HYDIN: variants seen among roughly 807,000 people sequenced by gnomAD.
HYDIN encodes the protein HYDIN axonemal central pair apparatus protein, also known as axonemal central pair apparatus protein HYDIN.
A neutral mutation model predicts 403.9 loss-of-function variants in HYDIN; 132 were observed. The observed-to-expected ratio is 0.33, with a 90% CI of 0.28 to 0.38. The LOEUF (loss-of-function observed/expected upper bound fraction) is 0.38, where lower values mean the gene tolerates loss of function less well. Ranked by LOEUF, HYDIN falls within the 10% of genes least tolerant of loss-of-function variation. The pLI is 1.00. For missense variants in HYDIN, 2,827 were observed against 5,009.5 expected (o/e 0.56, Z 13.15); for synonymous variants, 1,202 against 1,891.7 (o/e 0.64, Z 9.46).
rs565019851 is a variant in HYDIN, at chr16:71,145,658, T to C, written c.841+7001A>G. On this transcript the variant is annotated intron_variant, in intron 7 of 85. Transcript: ENST00000393567. ...TCCAAATGCTTACATAAAAGTAAAA[T>C]TGATATCCAGGGAGGCTGGCAAAAT... 7.0e-4 allele frequency among the ~76,000 whole-genome samples: 107 copies of C among 152,248 alleles called. 1 individual carries two copies. Among genetic ancestry groups the C allele is most frequent in the South Asian group, 2.7e-3 (13 of 4,820 alleles).
intron 1 of HYDIN, among the ~76,000 whole-genome samples, chr16:71,219,093 G>A (rs1177783280): frequency 3.3e-5 from 5 of 152,120 alleles, no homozygotes; most frequent in Non-Finnish European, 7.4e-5. Context: ...CAAAGCCACT[G>A]CTGCAAATTT....
In HYDIN at chr16:70,883,033, G is replaced by A. The variant is rs543551731; in HGVS notation, c.9980-138C>T. 2.4e-5 allele frequency: 16 copies of A among 666,600 alleles called. No homozygotes were observed. The East Asian group carries it at 3.6e-4, about 15-fold the overall frequency. The allele number at this position is 666,600 out of a possible 1,614,324, so 41.3% of individuals were successfully genotyped here. ...GGCGAAGTCATGCAAGGGGGTGTGAGGGATGGGAAACATTCTGTCTTGTCT... is the reference window on the plus strand; with the variant it reads ...GGCGAAGTCATGCAAGGGGGTGTGAAGGATGGGAAACATTCTGTCTTGTCT... On this transcript the variant is annotated intron_variant, in intron 59 of 85. Transcript: ENST00000393567.
At chr16:71,004,186 T>C (rs1357830550) in intron 23 of HYDIN, among the ~76,000 whole-genome samples, 1 of 151,578 alleles carries the variant, frequency 6.6e-6, no homozygotes, top group African/African-American at 2.4e-5. Context: ...CGGTGGCGCA[T>C]GCCTGTAATC....
chr16:70,810,827 G>A (rs942057748), intron 84 of HYDIN, among the ~76,000 whole-genome samples: 6 of 150,474 alleles, frequency 4.0e-5, no homozygotes, highest in Non-Finnish European at 5.9e-5. Flanking sequence ...GTGAGACTCC[G>A]TCTCAAAAAA....
chr16:71,194,720 C>A (rs995702281), intron 1 of HYDIN, among the ~76,000 whole-genome samples: 1 of 152,172 alleles, frequency 6.6e-6, no homozygotes, highest in Admixed American at 6.5e-5. Flanking sequence ...AGTTTGGCTA[C>A]GTGATTCTGG....
chr16:70,993,518 ATTCTGT>A (rs2079427016), intron 23 of HYDIN, among the ~76,000 whole-genome samples: 1 of 152,028 alleles, frequency 6.6e-6, no homozygotes, highest in Non-Finnish European at 1.5e-5. Flanking sequence ...TGGAGCAATG[ATTCTGT>A]TCTTTCTTTG....
At chr16:70,821,732 GT>G (rs571776690) in intron 83 of HYDIN, among the ~76,000 whole-genome samples, 20 of 150,844 alleles carry the variant, frequency 1.3e-4, no homozygotes, top group African/African-American at 3.2e-4. Flanking sequence ...TGGATCTATA[GT>G]TTTTTTTTAA....
chr16:71,014,436 C>T (rs1027861680), intron 23 of HYDIN, among the ~76,000 whole-genome samples: 14 of 150,670 alleles, frequency 9.3e-5, no homozygotes, highest in African/African-American at 3.2e-4. Flanking sequence ...TTGGTGACCC[C>T]GTTCCCACCC....
chr16:71,090,470 A>G (rs968448348), intron 11 of HYDIN: 2 of 152,148 alleles, frequency 1.3e-5, no homozygotes, highest in African/African-American at 4.8e-5. Context: ...CTTAAAAATG[A>G]CAGAGACTGT....
intron 7 of HYDIN, among the ~76,000 whole-genome samples, chr16:71,150,991 T>A (rs1423333782): frequency 6.6e-6 from 1 of 152,146 alleles, no homozygotes; most frequent in Admixed American, 6.5e-5. Flanking sequence ...AAACCACTGA[T>A]AGACATCGCT....
intron 21 of HYDIN, 99 bp from the exon 22 acceptor site, chr16:71,020,416 A>G: frequency 6.9e-7 from 1 of 1,442,300 alleles, no homozygotes; most frequent in Non-Finnish European, 9.3e-7. Flanking sequence ...AAATTTAGCA[A>G]TCTTTCTTTT....
intron 29 of HYDIN, among the ~76,000 whole-genome samples, chr16:70,980,183 G>C (rs997824819): frequency 6.7e-6 from 1 of 149,556 alleles, no homozygotes; most frequent in Admixed American, 6.7e-5. Context: ...CTCTAGATAC[G>C]AGAGTGTAAC....
At chr16:71,178,683 A>C (rs2086782788) in intron 4 of HYDIN, among the ~76,000 whole-genome samples, 1 of 152,040 alleles carries the variant, frequency 6.6e-6, no homozygotes, top group Non-Finnish European at 1.5e-5. Context: ...TCCTTTAATC[A>C]ACAAAAGTTA....
chr16:71,093,310 G>C (rs2083172150), intron 11 of HYDIN, among the ~76,000 whole-genome samples: 3 of 152,114 alleles, frequency 2.0e-5, no homozygotes. Context: ...CTAATTAATT[G>C]GAAAGATAAA....
At chr16:70,925,698 C>T (rs375697127) in intron 45 of HYDIN, among the ~76,000 whole-genome samples, 10 of 150,426 alleles carry the variant, frequency 6.6e-5, no homozygotes, top group South Asian at 2.1e-4. Context: ...AGAAAATTTT[C>T]GCAACCTACT....
intron 36 of HYDIN, among the ~76,000 whole-genome samples, chr16:70,965,540 T>A (rs1240951940): frequency 6.6e-6 from 1 of 152,138 alleles, no homozygotes. Flanking sequence ...AGCCTGTATT[T>A]TTTTCTCCTA....
intron 73 of HYDIN, among the ~76,000 whole-genome samples, chr16:70,851,416 G>T (rs1251779070): frequency 6.6e-6 from 1 of 151,126 alleles, no homozygotes; most frequent in Non-Finnish European, 1.5e-5. Context: ...ATGGGCAAAA[G>T]ACATGAATAG....
intron 83 of HYDIN, among the ~76,000 whole-genome samples, chr16:70,824,988 T>C (rs1304852348): frequency 6.6e-6 from 1 of 151,982 alleles, no homozygotes; most frequent in East Asian, 1.9e-4. Context: ...TAGCTGAGAC[T>C]ATAGGCGCGT....
chr16:70,809,707 C>T, intron 85 of HYDIN, 76 bp downstream of exon 85: 1 of 1,152,780 alleles, frequency 8.7e-7, no homozygotes, highest in Admixed American at 1.7e-5. Context: ...TTCATGCTCC[C>T]TGTGTCTCCT....
Sources: gnomAD v4.1 joint callset for allele counts (sites outside exome capture counted in the v4.1 genomes callset) on GRCh38, gnomAD v4.1.1 for gene constraint, MANE v1.5 for transcripts, NCBI Gene and HGNC (gene_info 2026-07-23, HGNC 2026-07-21) for gene names.